Variants in CEP15 observed in about 807,000 individuals in gnomAD.
The protein encoded by CEP15 is centrosomal protein 15.
the CEP15 span, chr3:62,319,196 G>A: frequency 6.5e-6 from 1 of 152,754 alleles, no homozygotes; most frequent in South Asian, 2.1e-4. Context: ...GTATAAGCGG[G>A]AGTTGGGGCG....
chr3:62,334,087 T>G, the CEP15 span: 3 of 151,964 alleles, frequency 2.0e-5, no homozygotes, highest in Non-Finnish European at 4.4e-5. The surrounding 1 kb of genome is among the most constrained non-coding windows in gnomAD (Gnocchi z 4.9). Flanking sequence ...TGAATGCAAA[T>G]AACCCCACTC....
chr3:62,325,647 G>A, the CEP15 span, among the ~76,000 whole-genome samples: 6 of 152,166 alleles, frequency 3.9e-5, no homozygotes, highest in Non-Finnish European at 8.8e-5. Context: ...AAGAGAAAGA[G>A]AAAATTGTGT....
chr3:62,331,314 A>T, the CEP15 span: 1 of 1,611,756 alleles, frequency 6.2e-7, no homozygotes, highest in Admixed American at 1.7e-5. Context: ...AAATGCCGAT[A>T]TCTGTTACAG....
the CEP15 span, chr3:62,335,735 A>T: frequency 6.6e-6 from 1 of 152,064 alleles, no homozygotes; most frequent in Non-Finnish European, 1.5e-5. Flanking sequence ...CTATGAATTT[A>T]TGGTTTTTTT....
the CEP15 span, chr3:62,333,689 A>C: frequency 1.0e-5 from 2 of 200,092 alleles, no homozygotes; most frequent in African/African-American, 2.4e-5. The surrounding 1 kb of genome is among the most constrained non-coding windows in gnomAD (Gnocchi z 4.0). Context: ...AAAAAAAAAA[A>C]TTTACAATCA....
the CEP15 span, among the ~76,000 whole-genome samples, chr3:62,320,786 C>T: frequency 6.6e-6 from 1 of 152,158 alleles, no homozygotes; most frequent in African/African-American, 2.4e-5. Flanking sequence ...TCCACATTGG[C>T]ATTTAATGGG....
At chr3:62,333,503 C>A in the CEP15 span, 2 of 1,179,866 alleles carry the variant, frequency 1.7e-6, no homozygotes, top group Non-Finnish European at 1.2e-6. This position sits in a 1 kb window ranked among gnomAD's most constrained non-coding sequence, Gnocchi z 4.0. Flanking sequence ...CGATTATCTC[C>A]TAAGTGACAG....
the CEP15 span, chr3:62,333,379 C>T: frequency 1.2e-6 from 2 of 1,610,242 alleles, no homozygotes; most frequent in Non-Finnish European, 1.7e-6. This position sits in a 1 kb window ranked among gnomAD's most constrained non-coding sequence, Gnocchi z 4.0. Context: ...CAAAATGAGG[C>T]ACAGCGATAA....
the CEP15 span, among the ~76,000 whole-genome samples, chr3:62,326,953 T>C: frequency 6.6e-6 from 1 of 152,210 alleles, no homozygotes; most frequent in Non-Finnish European, 1.5e-5. Context: ...CCTCAAGTAT[T>C]CAGTCAGAGT....
the CEP15 span, among the ~76,000 whole-genome samples, chr3:62,330,338 C>G: frequency 6.6e-6 from 1 of 152,232 alleles, no homozygotes; most frequent in South Asian, 2.1e-4. Flanking sequence ...TCTTTTCTAT[C>G]AACTCACTAA....
chr3:62,325,813 CAA>C, the CEP15 span, among the ~76,000 whole-genome samples: 1 of 152,092 alleles, frequency 6.6e-6, no homozygotes, highest in African/African-American at 2.4e-5. Context: ...GCGGGCAGAT[CAA>C]GAGATCAAGA....
chr3:62,334,830 C>A, the CEP15 span: 1 of 151,986 alleles, frequency 6.6e-6, no homozygotes, highest in Admixed American at 6.6e-5. This position sits in a 1 kb window ranked among gnomAD's most constrained non-coding sequence, Gnocchi z 4.9. Flanking sequence ...TGGTTTCTAG[C>A]CATCCAGTTG....
chr3:62,327,040 T>C, the CEP15 span, among the ~76,000 whole-genome samples: 7 of 152,322 alleles, frequency 4.6e-5, no homozygotes, highest in Admixed American at 4.6e-4. Flanking sequence ...AACATTGTAC[T>C]TGATTGATAA....
the CEP15 span, chr3:62,333,366 A>G: frequency 6.2e-7 from 1 of 1,611,072 alleles, no homozygotes; most frequent in Admixed American, 1.7e-5. This position sits in a 1 kb window ranked among gnomAD's most constrained non-coding sequence, Gnocchi z 4.0. Context: ...AGAAAATACC[A>G]TTCAAAATGA....
At chr3:62,333,482 T>C in the CEP15 span, 1 of 1,365,144 alleles carries the variant, frequency 7.3e-7, no homozygotes, top group East Asian at 2.4e-5. The surrounding 1 kb of genome is among the most constrained non-coding windows in gnomAD (Gnocchi z 4.0). Context: ...ATTAAATATG[T>C]TCATATTCTT....
At chr3:62,328,882 A>G in the CEP15 span, among the ~76,000 whole-genome samples, 1 of 150,164 alleles carries the variant, frequency 6.7e-6, no homozygotes, top group Non-Finnish European at 1.5e-5. Flanking sequence ...ACAGAAGGCT[A>G]GGATCAAATT....
At chr3:62,332,709 G>A in the CEP15 span, among the ~76,000 whole-genome samples, 9 of 152,194 alleles carry the variant, frequency 5.9e-5, no homozygotes, top group African/African-American at 1.7e-4. Context: ...AAAAATTATA[G>A]TGGATATATA....
chr3:62,321,108 C>G, the CEP15 span, among the ~76,000 whole-genome samples: 2 of 152,162 alleles, frequency 1.3e-5, no homozygotes, highest in African/African-American at 4.8e-5. The surrounding 1 kb of genome is among the most constrained non-coding windows in gnomAD (Gnocchi z 4.1). Flanking sequence ...TTTAAGACAG[C>G]CTGATGAAAC....
chr3:62,329,411 A>G, the CEP15 span, among the ~76,000 whole-genome samples: 2 of 152,164 alleles, frequency 1.3e-5, no homozygotes, highest in African/African-American at 4.8e-5. Flanking sequence ...CAGTCTTGAG[A>G]GAGATAAGGT....
Sources: gnomAD v4.1 joint callset for allele counts (sites outside exome capture counted in the v4.1 genomes callset) on GRCh38, gnomAD v4.1.1 for gene constraint, Gnocchi (gnomAD v3.1) non-coding constraint, MANE v1.5 for transcripts, NCBI Gene and HGNC (gene_info 2026-07-23, HGNC 2026-07-21) for gene names.